Variants in RNF38 observed in about 807,000 individuals in gnomAD.
The protein encoded by RNF38 is E3 ubiquitin-protein ligase RNF38.
A neutral mutation model predicts 67.2 loss-of-function variants in RNF38; 15 were observed. The ratio of observed to expected loss-of-function variants is 0.22; its 90% CI spans 0.15 to 0.34. RNF38 has a LOEUF of 0.34. RNF38 is among the 10% of genes least tolerant of loss of function. RNF38 has a pLI of 1.00. For missense variants in RNF38, 524 were observed against 639.9 expected (o/e 0.82, Z 1.95); for synonymous variants, 220 against 218.8 (o/e 1.01, Z -0.05).
At chr9:36,425,546 T>A (rs1838746051) in intron 1 of RNF38, among the ~76,000 whole-genome samples, 1 of 151,900 alleles carries the variant, frequency 6.6e-6, no homozygotes, top group Admixed American at 6.6e-5. Flanking sequence ...ATACAAAAAT[T>A]AGCCACGCGT....
chr9:36,400,877 G>GGGCCC (rs1470092518), upstream of RNF38: 138 of 984,438 alleles, frequency 1.4e-4, no homozygotes, highest in African/African-American at 2.2e-3. Flanking sequence ...ACCGCACTAG[G>GGGCCC]GGCCCGGCCC....
rs886476703 is a variant in RNF38, at chr9:36,336,980, G to A, written c.*2772C>T. On this transcript the variant is annotated 3_prime_UTR_variant, in exon 12 of 12. Transcript: ENST00000259605. ...GGAGGCCTTATTTTTTTGAGGGGCTGGGGGTTAAAAAAACACCAAAGATGA... is the reference window on the plus strand; with the variant it reads ...GGAGGCCTTATTTTTTTGAGGGGCTAGGGGTTAAAAAAACACCAAAGATGA... 1 of 151,974 alleles carries A rather than the reference G, an allele frequency of 6.6e-6. No individual in the cohort carries two copies. The highest frequency in any genetic ancestry group is 1.5e-5 in the Non-Finnish European group (1 of 68,000). The allele number at this position is 151,974 out of a possible 1,614,324, so 9.4% of individuals were successfully genotyped here.
chr9:36,390,659 A>C, intron 1 of RNF38, 43 bp from the exon 2 acceptor site: 1 of 1,597,074 alleles, frequency 6.3e-7, no homozygotes, highest in South Asian at 1.1e-5. Flanking sequence ...GGCTAGCTGC[A>C]CCAATGTGGA....
chr9:36,470,808 G>C (rs139154211), intron 1 of RNF38, among the ~76,000 whole-genome samples: 1 of 151,988 alleles, frequency 6.6e-6, no homozygotes, highest in Non-Finnish European at 1.5e-5. Flanking sequence ...ATACAGCATG[G>C]AGGAAGGAAA....
chr9:36,367,282 T>C (rs1046370680), intron 4 of RNF38, among the ~76,000 whole-genome samples: 6 of 152,178 alleles, frequency 3.9e-5, no homozygotes, highest in Non-Finnish European at 7.4e-5. Context: ...ACTTATTTTA[T>C]CTAGCACGCT....
intron 9 of RNF38, among the ~76,000 whole-genome samples, chr9:36,348,972 G>A (rs995896869): frequency 6.6e-6 from 1 of 152,172 alleles, no homozygotes; most frequent in Admixed American, 6.5e-5. Context: ...ACTCTTTTTG[G>A]GGGGATAACA....
At chr9:36,414,895 A>G (rs979746553) in intron 2 of RNF38, among the ~76,000 whole-genome samples, 1 of 152,176 alleles carries the variant, frequency 6.6e-6, no homozygotes, top group Non-Finnish European at 1.5e-5. Context: ...AATCCCTTCT[A>G]GCTTGCAGGG....
At chr9:36,476,719 G>T (rs545144735) in intron 1 of RNF38, among the ~76,000 whole-genome samples, 4 of 151,558 alleles carry the variant, frequency 2.6e-5, no homozygotes, top group South Asian at 4.2e-4. Flanking sequence ...GTAGAAACCG[G>T]ATTTCACCAT....
intron 2 of RNF38, among the ~76,000 whole-genome samples, chr9:36,389,360 A>C (rs1187795272): frequency 4.3e-5 from 6 of 140,962 alleles, no homozygotes; most frequent in East Asian, 2.1e-4. Context: ...AAAAAAAAAA[A>C]CCCTTTTTAT....
intron 8 of RNF38, among the ~76,000 whole-genome samples, chr9:36,351,955 G>T (rs1337389564): frequency 6.6e-6 from 1 of 152,178 alleles, no homozygotes; most frequent in African/African-American, 2.4e-5. Flanking sequence ...CAGGGCTAAC[G>T]AAATCATCGT....
At chr9:36,362,415 C>G (rs146038574) in intron 4 of RNF38, among the ~76,000 whole-genome samples, 1 of 149,280 alleles carries the variant, frequency 6.7e-6, no homozygotes, top group Non-Finnish European at 1.5e-5. Context: ...TTGTAAAATA[C>G]TTTGTAAAAT....
chr9:36,479,110 A>C (rs1292770275), intron 1 of RNF38, among the ~76,000 whole-genome samples: 1 of 152,154 alleles, frequency 6.6e-6, no homozygotes, highest in East Asian at 1.9e-4. Context: ...ACGCTCCATT[A>C]TCCACTTTTG....
chr9:36,390,094 TG>T (rs1458953256), intron 2 of RNF38, among the ~76,000 whole-genome samples: 2 of 152,248 alleles, frequency 1.3e-5, no homozygotes, highest in Non-Finnish European at 2.9e-5. Context: ...GAACTCTGGG[TG>T]CCAAGCAAGT....
intron 8 of RNF38, 48 bp downstream of exon 8, chr9:36,352,694 C>G (rs758018698): frequency 3.1e-6 from 4 of 1,303,948 alleles, no homozygotes; most frequent in Non-Finnish European, 2.2e-6. Flanking sequence ...GAAAGAGAAT[C>G]TCAAGAGTTT....
At chr9:36,455,181 T>C (rs1839557940) in intron 1 of RNF38, among the ~76,000 whole-genome samples, 1 of 151,928 alleles carries the variant, frequency 6.6e-6, no homozygotes, top group Admixed American at 6.6e-5. Flanking sequence ...TGCCTCAGCC[T>C]CCTGAGTAGC....
intron 2 of RNF38, among the ~76,000 whole-genome samples, chr9:36,423,808 G>C (rs1461470931): frequency 1.1e-5 from 1 of 89,630 alleles, no homozygotes; most frequent in African/African-American, 3.9e-5. Flanking sequence ...AATTAGCCGG[G>C]CGTGGTGGCG....
At position 36,357,770 on chromosome 9, in the gene RNF38, C is replaced by T. The variant is rs1273277757; in HGVS notation, c.738+5G>A. ...TATCTAATGAGAACAAAGATAGAGA[C>T]TTACTGGAGGAGGCACACTACAGAC... On this transcript the variant is annotated splice_donor_5th_base_variant and intron_variant, in intron 5 of 11. Transcript: ENST00000259605. The T allele has an allele frequency of 6.2e-7, 1 of 1,612,374 alleles. No homozygotes were observed. Among genetic ancestry groups the T allele is most frequent in the Non-Finnish European group, 8.5e-7 (1 of 1,178,972 alleles).
intron 1 of RNF38, among the ~76,000 whole-genome samples, chr9:36,453,757 C>T (rs1587165195): frequency 6.6e-6 from 1 of 152,192 alleles, no homozygotes; most frequent in East Asian, 1.9e-4. Flanking sequence ...CGAACTCCTA[C>T]TTTCAAGCAA....
intron 6 of RNF38, among the ~76,000 whole-genome samples, chr9:36,355,703 T>G (rs762673072): frequency 6.6e-6 from 1 of 152,142 alleles, no homozygotes; most frequent in East Asian, 1.9e-4. Flanking sequence ...GCAGATGTAA[T>G]AGAACACAAA....
Sources: gnomAD v4.1 joint callset for allele counts (sites outside exome capture counted in the v4.1 genomes callset) on GRCh38, gnomAD v4.1.1 for gene constraint, MANE v1.5 for transcripts, NCBI Gene and HGNC (gene_info 2026-07-23, HGNC 2026-07-21) for gene names.